KALRN: variants seen among roughly 807,000 people sequenced by gnomAD.
KALRN encodes the protein kalirin RhoGEF kinase.
KALRN carries 70 observed loss-of-function variants against 353.7 expected under a neutral mutation model. The observed-to-expected ratio is 0.20, with a 90% CI of 0.16 to 0.24. KALRN has a LOEUF of 0.24. KALRN is among the 10% of genes least tolerant of loss of function. KALRN has a pLI of 1.00. For synonymous variants in KALRN, 1,391 were observed against 1,434.8 expected (o/e 0.97, Z 0.69); for missense variants, 2,791 against 3,756.7 (o/e 0.74, Z 6.72).
chr3:124,259,380 A>C (rs920896), intron 3 of KALRN, among the ~76,000 whole-genome samples: 143,278 of 152,240 alleles, frequency 0.94, 68,043 homozygotes, highest in East Asian at 1. Context: ...AACTGGAGAA[A>C]AGGCATAGTG....
rs1375297663 is a variant in KALRN at position 124,466,251 on chromosome 3, C to G, written c.4031+3618C>G. ...GAATGATACTTCGTTTTGCCCTCCACTCTCCCCATTTTGCACTACTTCTCT... is the reference window on the plus strand; with the variant it reads ...GAATGATACTTCGTTTTGCCCTCCAGTCTCCCCATTTTGCACTACTTCTCT... On this transcript the variant is annotated intron_variant, in intron 25 of 59. Transcript: ENST00000682506. 1.3e-5 allele frequency among the ~76,000 whole-genome samples: 2 copies of G among 152,174 alleles called. 1 individual carries two copies. Among genetic ancestry groups the G allele is most frequent in the Middle Eastern group, 6.3e-3 (2 of 316 alleles).
chr3:124,646,018 G>A (rs1398334222), intron 37 of KALRN, among the ~76,000 whole-genome samples: 1 of 151,898 alleles, frequency 6.6e-6, no homozygotes, highest in Non-Finnish European at 1.5e-5. Flanking sequence ...CCCTGTCTGG[G>A]AATCGGACCC....
intron 34 of KALRN, among the ~76,000 whole-genome samples, chr3:124,623,370 G>A: frequency 1.3e-5 from 1 of 79,374 alleles, no homozygotes; most frequent in Non-Finnish European, 2.2e-5. Context: ...AGAACTAATA[G>A]GAGATATATA....
intron 1 of KALRN, among the ~76,000 whole-genome samples, chr3:124,203,535 A>G (rs2076138008): frequency 6.6e-6 from 1 of 152,206 alleles, no homozygotes; most frequent in Non-Finnish European, 1.5e-5. Flanking sequence ...TGCTGCTGGA[A>G]GAGAGAGGTT....
chr3:124,532,379 G>A (rs908296446), intron 33 of KALRN, among the ~76,000 whole-genome samples: 1 of 152,224 alleles, frequency 6.6e-6, no homozygotes, highest in African/African-American at 2.4e-5. Context: ...GCAAACCTGG[G>A]CAAGAAAATG....
intron 1 of KALRN, among the ~76,000 whole-genome samples, chr3:124,184,732 C>T (rs1051397156): frequency 3.3e-5 from 5 of 152,120 alleles, no homozygotes; most frequent in African/African-American, 1.2e-4. Flanking sequence ...CAGAGATACC[C>T]AGAAGGCTGG....
intron 8 of KALRN, among the ~76,000 whole-genome samples, chr3:124,331,745 G>C (rs2080585044): frequency 6.6e-6 from 1 of 152,162 alleles, no homozygotes; most frequent in African/African-American, 2.4e-5. Context: ...ACATATGTGA[G>C]GTGTGGGTGT....
intron 6 of KALRN, among the ~76,000 whole-genome samples, chr3:124,305,093 G>T (rs2077578204): frequency 6.6e-6 from 1 of 152,190 alleles, no homozygotes; most frequent in African/African-American, 2.4e-5. Flanking sequence ...ATTCAGGAAA[G>T]CACACCATTG....
chr3:124,212,414 C>T (rs9878898), intron 1 of KALRN, among the ~76,000 whole-genome samples: 77,622 of 151,834 alleles, frequency 0.51, 22,408 homozygotes, highest in Non-Finnish European at 0.65. Context: ...TTACATGTTG[C>T]GAGCATTCTT....
At chr3:124,121,237 T>A (rs984555264) in intron 1 of KALRN, among the ~76,000 whole-genome samples, 1 of 152,092 alleles carries the variant, frequency 6.6e-6, no homozygotes, top group African/African-American at 2.4e-5. Flanking sequence ...CTTCTATTAG[T>A]AGACTAGAGA....
intron 1 of KALRN, among the ~76,000 whole-genome samples, chr3:124,158,957 C>T (rs757631000): frequency 3.1e-4 from 47 of 152,192 alleles, no homozygotes; most frequent in Non-Finnish European, 5.4e-4. Context: ...AACCCCTTAA[C>T]GGGTCCTGTT....
At chr3:124,108,240 G>C (rs908426731) in intron 1 of KALRN, among the ~76,000 whole-genome samples, 5 of 152,098 alleles carry the variant, frequency 3.3e-5, no homozygotes, top group Admixed American at 2.6e-4. Flanking sequence ...ACCCAACTGG[G>C]TACTCTGCTT....
At chr3:124,086,127 CT>C (rs553903557) in intron 1 of KALRN, among the ~76,000 whole-genome samples, 31 of 150,592 alleles carry the variant, frequency 2.1e-4, no homozygotes, top group South Asian at 6.3e-4. Flanking sequence ...TTTTTCTTTC[CT>C]TTTTTTTTCT....
chr3:124,473,939 G>A (rs1220565918), intron 25 of KALRN, among the ~76,000 whole-genome samples: 1 of 152,084 alleles, frequency 6.6e-6, no homozygotes, highest in African/African-American at 2.4e-5. Flanking sequence ...TCCTAATAAA[G>A]CATGCTGGCT....
At chr3:124,219,858 A>G (rs6794032) in intron 1 of KALRN, among the ~76,000 whole-genome samples, 142,399 of 151,848 alleles carry the variant, frequency 0.94, 67,444 homozygotes, top group East Asian at 1. Flanking sequence ...TGCTGACATA[A>G]AGCTGCCCAG....
intron 1 of KALRN, among the ~76,000 whole-genome samples, chr3:124,180,310 T>C (rs531934229): frequency 1.3e-5 from 2 of 152,334 alleles, no homozygotes; most frequent in South Asian, 4.2e-4. Flanking sequence ...GCTCCTACCT[T>C]GAAGGCTATA....
At chr3:124,386,713 T>A (rs1345103853) in intron 11 of KALRN, among the ~76,000 whole-genome samples, 6 of 152,182 alleles carry the variant, frequency 3.9e-5, no homozygotes, top group Admixed American at 3.9e-4. Context: ...TTATTTGCTA[T>A]TGGTAGTGAT....
chr3:124,249,502 A>C (rs921854094), intron 3 of KALRN, among the ~76,000 whole-genome samples: 1 of 152,174 alleles, frequency 6.6e-6, no homozygotes, highest in African/African-American at 2.4e-5. Flanking sequence ...AATGCTGTCT[A>C]AAGGGGTCCA....
At chr3:124,461,466 C>A (rs2059852402) in intron 23 of KALRN, among the ~76,000 whole-genome samples, 1 of 152,102 alleles carries the variant, frequency 6.6e-6, no homozygotes, top group Admixed American at 6.6e-5. Context: ...ACAAACTCTA[C>A]TGAACAGAAA....
Sources: allele counts gnomAD v4.1 joint callset (sites outside exome capture counted in the v4.1 genomes callset), GRCh38; gene constraint gnomAD v4.1.1; transcripts MANE v1.5; gene names NCBI Gene and HGNC (gene_info 2026-07-23, HGNC 2026-07-21).